HDAC9: variants seen among roughly 807,000 people sequenced by gnomAD.
HDAC9 encodes histone deacetylase 9.
HDAC9 carries 41 observed loss-of-function variants against 139.4 expected under a neutral mutation model. The ratio of observed to expected loss-of-function variants is 0.29; its 90% CI spans 0.23 to 0.38. HDAC9 has a LOEUF of 0.38. Ranked by LOEUF, HDAC9 falls within the 10% of genes least tolerant of loss-of-function variation. The pLI is 1.00. For synonymous variants in HDAC9, 517 were observed against 476.2 expected (o/e 1.09, Z -1.12); for missense variants, 1,147 against 1,297.0 (o/e 0.88, Z 1.78).
In HDAC9 at chr7:18,998,067, A is replaced by C. The variant is rs942384745; in HGVS notation, c.*2005A>C. ...TATGTTATTTTGCAGTGATTGCTTG[A>C]GGATATTTACTTAAAAAAATAGTAG... On this transcript the variant is annotated 3_prime_UTR_variant, in exon 26 of 26. Transcript: ENST00000686413. 6.6e-6 allele frequency: 1 copy of C among 152,136 alleles called. No individual in the cohort carries two copies. The highest frequency in any genetic ancestry group is 2.4e-5 in the African/African-American group (1 of 41,440). The allele number at this position is 152,136 out of a possible 1,614,324, so 9.4% of individuals were successfully genotyped here.
chr7:18,992,890 G>A (rs567256581), intron 25 of HDAC9, among the ~76,000 whole-genome samples: 4 of 152,122 alleles, frequency 2.6e-5, no homozygotes, highest in Admixed American at 2.6e-4. Context: ...ATCTTTGCTG[G>A]GTTGATTTTA....
chr7:18,247,796 G>A (rs767666380), intron 2 of HDAC9, among the ~76,000 whole-genome samples: 6 of 152,086 alleles, frequency 3.9e-5, no homozygotes, highest in Non-Finnish European at 7.4e-5. Flanking sequence ...AAACTAATGA[G>A]CAAGATAAGG....
intron 1 of HDAC9, among the ~76,000 whole-genome samples, chr7:18,441,869 G>A (rs1369639242): frequency 6.6e-6 from 1 of 152,092 alleles, no homozygotes; most frequent in Non-Finnish European, 1.5e-5. Context: ...CCGGGTTCAC[G>A]CCATTCTCCT....
chr7:18,341,453 A>G lies in HDAC9; in HGVS notation c.-42+50938A>G, dbSNP rs1782004110. ...TAATTCTCTTTTTTCTGAGTGTTTCATATTTTGGTAGTTTCTGTTGCTGTA... is the reference window on the plus strand; with the variant it reads ...TAATTCTCTTTTTTCTGAGTGTTTCGTATTTTGGTAGTTTCTGTTGCTGTA... On this transcript the variant is annotated intron_variant, in intron 1 of 3. Transcript: ENST00000413509. Among the ~76,000 whole-genome samples, 2 of 151,340 alleles carry G rather than the reference A, an allele frequency of 1.3e-5. 1 individual carries two copies. Among genetic ancestry groups the G allele is most frequent in the African/African-American group, 4.8e-5 (2 of 41,248 alleles).
chr7:18,123,676 A>C (rs944059820), intron 1 of HDAC9, among the ~76,000 whole-genome samples: 5 of 152,130 alleles, frequency 3.3e-5, no homozygotes, highest in African/African-American at 1.2e-4. Flanking sequence ...GGTTCCCATG[A>C]CCTGGGGTGA....
At chr7:18,418,898 C>A (rs1180850186) in intron 1 of HDAC9, among the ~76,000 whole-genome samples, 1 of 151,990 alleles carries the variant, frequency 6.6e-6, no homozygotes, top group Non-Finnish European at 1.5e-5. Context: ...AATACTTTAC[C>A]CATTTTTATT....
At position 18,949,583 on chromosome 7, in the gene HDAC9, A is replaced by T. The variant is rs558106168; in HGVS notation, c.2938-4563A>T. The T allele has an allele frequency of 4.1e-5, 8 of 192,924 alleles. No individual in the cohort carries two copies. The East Asian group carries it at 1.1e-3, about 26-fold the overall frequency. The allele number at this position is 192,924 out of a possible 1,614,324, so 12.0% of individuals were successfully genotyped here. On this transcript the variant is annotated intron_variant, in intron 23 of 25. Coordinates refer to ENST00000686413, the MANE Select transcript of HDAC9 (RefSeq NM_178425.4). The stretch of plus-strand genomic sequence containing the variant: ...TTTATATTTCATTGCTTCTGCTTCA[A>T]CGATGTGCAATTCATCATAGGTACC...
At chr7:18,164,369 C>G (rs1460256361) in intron 2 of HDAC9, among the ~76,000 whole-genome samples, 1 of 152,126 alleles carries the variant, frequency 6.6e-6, no homozygotes, top group Admixed American at 6.5e-5. Flanking sequence ...GAGAAATAAC[C>G]TGATTGTTTG....
intron 8 of HDAC9, 130 bp from the exon 9 acceptor site, chr7:18,644,541 A>T: frequency 1.6e-6 from 1 of 636,894 alleles, no homozygotes; most frequent in Non-Finnish European, 2.4e-6. Context: ...ACTTTTGGAT[A>T]TAGAAGTCAT....
chr7:18,503,692 A>G (rs985909773), intron 2 of HDAC9, among the ~76,000 whole-genome samples: 1 of 152,188 alleles, frequency 6.6e-6, no homozygotes, highest in Non-Finnish European at 1.5e-5. Flanking sequence ...TCATTTGCTT[A>G]TGATTAAACT....
intron 2 of HDAC9, among the ~76,000 whole-genome samples, chr7:18,561,316 A>C (rs1820526023): frequency 6.6e-6 from 1 of 152,220 alleles, no homozygotes; most frequent in Non-Finnish European, 1.5e-5. Context: ...ATTCTAAAGG[A>C]ATATGCCAAT....
intron 1 of HDAC9, among the ~76,000 whole-genome samples, chr7:18,476,516 G>T (rs1795122468): frequency 6.6e-6 from 1 of 151,250 alleles, no homozygotes; most frequent in African/African-American, 2.4e-5. Context: ...CTTAAATGTG[G>T]CAGGACCATC....
At chr7:18,310,289 AC>A (rs1374646973) in intron 1 of HDAC9, among the ~76,000 whole-genome samples, 1 of 152,212 alleles carries the variant, frequency 6.6e-6, no homozygotes, top group Non-Finnish European at 1.5e-5. Context: ...CTGTGACTAC[AC>A]GGTTTTGAAA....
intron 17 of HDAC9, among the ~76,000 whole-genome samples, chr7:18,828,181 G>T (rs1454828516): frequency 6.6e-6 from 1 of 152,110 alleles, no homozygotes; most frequent in African/African-American, 2.4e-5. Flanking sequence ...TTTTATATAT[G>T]CAGTAAAAGT....
intron 14 of HDAC9, among the ~76,000 whole-genome samples, chr7:18,760,146 C>A (rs537043880): frequency 2.9e-4 from 44 of 152,140 alleles, no homozygotes; most frequent in African/African-American, 1.1e-3. Flanking sequence ...AGCTCGAAGC[C>A]CTCTTATTTC....
chr7:18,945,280 G>T (rs543220029), intron 23 of HDAC9, among the ~76,000 whole-genome samples: 3 of 152,156 alleles, frequency 2.0e-5, no homozygotes, highest in African/African-American at 7.2e-5. Flanking sequence ...ACGCTAATGC[G>T]GTAAAGCAGT....
intron 2 of HDAC9, among the ~76,000 whole-genome samples, chr7:18,259,704 A>G (rs1795519427): frequency 6.6e-6 from 1 of 152,222 alleles, no homozygotes; most frequent in African/African-American, 2.4e-5. Flanking sequence ...GTGAGGATTC[A>G]TGAAGTGTTT....
At chr7:18,095,956 C>T (rs1782475447) in intron 1 of HDAC9, among the ~76,000 whole-genome samples, 1 of 152,122 alleles carries the variant, frequency 6.6e-6, no homozygotes, top group South Asian at 2.1e-4. Context: ...ACAATGTTAA[C>T]TTTGAGGCTT....
intron 1 of HDAC9, among the ~76,000 whole-genome samples, chr7:18,338,468 A>G (rs916256586): frequency 3.3e-5 from 5 of 151,680 alleles, no homozygotes; most frequent in Non-Finnish European, 5.9e-5. Flanking sequence ...CTGAGTGAAT[A>G]TCACTTACTT....
Sources: allele counts gnomAD v4.1 joint callset (sites outside exome capture counted in the v4.1 genomes callset), GRCh38; gene constraint gnomAD v4.1.1; transcripts MANE v1.5; gene names NCBI Gene and HGNC (gene_info 2026-07-23, HGNC 2026-07-21).